CLCNKB: variants seen among roughly 807,000 people sequenced by gnomAD.
CLCNKB encodes the protein chloride voltage-gated channel Kb.
A neutral mutation model predicts 83.8 loss-of-function variants in CLCNKB; 74 were observed. That is an observed-to-expected ratio of 0.88 (90% confidence interval 0.73 to 1.07). CLCNKB has a LOEUF of 1.07. Among genes scored for constraint, CLCNKB ranks in the 50% least tolerant of loss-of-function variants. The probability of loss-of-function intolerance (pLI) is 0.00; values close to 1 mark genes in which losing one functional copy is unlikely to be tolerated. For synonymous variants in CLCNKB, 358 were observed against 356.6 expected (o/e 1.00, Z -0.04); for missense variants, 798 against 893.6 (o/e 0.89, Z 1.36).
chr1:16,051,604 G>T, intron 13 of CLCNKB, 57 bp downstream of exon 13: 7 of 1,608,140 alleles, frequency 4.4e-6, no homozygotes, highest in Non-Finnish European at 6.0e-6. Context: ...CAGGACCATG[G>T]CTCCTGGTTC....
rs55874146 is a variant in CLCNKB, at chr1:16,052,503, T to C, written c.1622+92T>C. On this transcript the variant is annotated intron_variant, in intron 15 of 19. Coordinates refer to ENST00000375679, the MANE Select transcript of CLCNKB (RefSeq NM_000085.5). The stretch of plus-strand genomic sequence containing the variant: ...GCACCTCGAAAAAGAAACGCCACCG[T>C]AGCTGACCTCGGACATGGGGGCTGA... 0.11 allele frequency: 170,639 copies of C among 1,513,122 alleles called. 10,989 individuals carry two copies. Among genetic ancestry groups the C allele is most frequent in the African/African-American group, 0.22 (16,331 of 72,882 alleles). The allele number at this position is 1,513,122 out of a possible 1,614,324, so 93.7% of individuals were successfully genotyped here.
At chr1:16,054,306 C>T (rs1430113120) in intron 16 of CLCNKB, among the ~76,000 whole-genome samples, 1 of 152,190 alleles carries the variant, frequency 6.6e-6, no homozygotes, top group Non-Finnish European at 1.5e-5. Flanking sequence ...CTCAAGGCTG[C>T]TGTCAGCCCA....
chr1:16,046,534 G>A lies in CLCNKB; in HGVS notation c.230-1G>A, dbSNP rs554794449. 1 of 1,613,846 alleles carries A rather than the reference G, an allele frequency of 6.2e-7. No homozygotes were observed. The highest frequency in any genetic ancestry group is 1.3e-5 in the African/African-American group (1 of 75,030). The stretch of plus-strand genomic sequence containing the variant: ...CCTCCCTGATACCCGGCTGTCCCCA[G>A]CGCACCAGTGGCTGTACAGGGAGAT... On this transcript the variant is annotated splice_acceptor_variant, in intron 3 of 19. Coordinates refer to ENST00000375679, the MANE Select transcript of CLCNKB (RefSeq NM_000085.5). LOFTEE classifies it high-confidence loss of function.
intron 7 of CLCNKB, chr1:16,048,865 T>C (rs2023187961): frequency 2.1e-6 from 3 of 1,441,146 alleles, no homozygotes. Flanking sequence ...CTTCCTCCTC[T>C]ACAAAATGGA....
chr1:16,053,523 C>G, intron 15 of CLCNKB, 116 bp from the exon 16 acceptor site: 1 of 1,474,310 alleles, frequency 6.8e-7, no homozygotes, highest in Non-Finnish European at 9.4e-7. Context: ...TCCGGCCCTG[C>G]CCACACTCCA....
chr1:16,047,089 C>A (rs74403616), intron 4 of CLCNKB, among the ~76,000 whole-genome samples: 1 of 152,152 alleles, frequency 6.6e-6, no homozygotes, highest in Non-Finnish European at 1.5e-5. Flanking sequence ...GCGGGAGGAA[C>A]GTGAACAACT....
intron 16 of CLCNKB, among the ~76,000 whole-genome samples, chr1:16,054,492 CTG>C (rs1321158255): frequency 6.6e-6 from 1 of 152,178 alleles, no homozygotes; most frequent in Non-Finnish European, 1.5e-5. Flanking sequence ...AGCTAAAGAA[CTG>C]TGAGTATACC....
chr1:16,044,507 G>A lies in CLCNKB; in HGVS notation c.15G>A (p.Val5=). Residue 5 remains valine (V), a synonymous_variant, in exon 2 of 20, where the codon GTG becomes GTA. Coordinates refer to ENST00000375679, the MANE Select transcript of CLCNKB (RefSeq NM_000085.5). ...CCAGGGGCCTGATGGAGGAGTTTGT[G>A]GGGCTGCGTGAAGGCTCCTCAGGGA... MEEF[V]GLREGSSGNP... is the part of the protein sequence containing the mutation. 6.2e-7 allele frequency: 1 copy of A among 1,604,072 alleles called. No individual in the cohort carries two copies. Among genetic ancestry groups the A allele is most frequent in the Non-Finnish European group, 8.5e-7 (1 of 1,176,192 alleles).
rs2023364272 is a variant in CLCNKB, at chr1:16,053,736, A to G, written c.1720A>G (p.Thr574Ala). Residue 574 changes from threonine (T) to alanine (A), a missense_variant, in exon 16 of 20, where the codon ACA becomes GCA. Coordinates refer to ENST00000375679, the MANE Select transcript of CLCNKB (RefSeq NM_000085.5). ...GGAGGTGGTCAAGGTTGTGACCTCCACAGACGTGGCCAAGTATCCCCTGGT... is the reference window on the plus strand; with the variant it reads ...GGAGGTGGTCAAGGTTGTGACCTCCGCAGACGTGGCCAAGTATCCCCTGGT... ...LEEVVKVVTS[T>A]DVAKYPLVES... 1 of 1,613,766 alleles carries G rather than the reference A, an allele frequency of 6.2e-7. No individual in the cohort carries two copies. Among genetic ancestry groups the G allele is most frequent in the Admixed American group, 1.7e-5 (1 of 59,990 alleles).
chr1:16,052,501 C>T (rs143810593), intron 15 of CLCNKB, 90 bp downstream of exon 15: 31 of 1,532,338 alleles, frequency 2.0e-5, no homozygotes, highest in Non-Finnish European at 2.3e-5. Flanking sequence ...GAAACGCCAC[C>T]GTAGCTGACC....
chr1:16,044,637 G>T, intron 2 of CLCNKB, 45 bp downstream of exon 2: 1 of 1,492,026 alleles, frequency 6.7e-7, no homozygotes, highest in African/African-American at 1.4e-5. Context: ...GACCACTCAG[G>T]ACATCATTCC....
chr1:16,052,850 C>T (rs2023337265), intron 15 of CLCNKB, among the ~76,000 whole-genome samples: 1 of 152,066 alleles, frequency 6.6e-6, no homozygotes, highest in East Asian at 1.9e-4. Flanking sequence ...CAGATAGGAC[C>T]AGAGCAGCTT....
intron 15 of CLCNKB, 37 bp downstream of exon 15, chr1:16,052,448 C>G (rs959320318): frequency 1.9e-6 from 3 of 1,601,052 alleles, no homozygotes; most frequent in Non-Finnish European, 2.6e-6. Context: ...TGAAGGGGGT[C>G]ACAGTGTTTG....
Position 16,051,063 on chromosome 1 carries a change from C to A in CLCNKB, c.1227+15C>A, listed in dbSNP as rs1456784625. The A allele has an allele frequency of 6.2e-7, 1 of 1,613,606 alleles. No individual in the cohort carries two copies. Among genetic ancestry groups the A allele is most frequent in the Non-Finnish European group, 8.5e-7 (1 of 1,179,964 alleles). On this transcript the variant is annotated intron_variant, in intron 12 of 19. Coordinates refer to ENST00000375679, the MANE Select transcript of CLCNKB (RefSeq NM_000085.5). Reference sequence around the variant, plus strand: ...TGGTTATGAAGGTGGGCCCCCTGGTCCCCAGGTGTGCACAGAGCTGGGACC... The same window carrying A: ...TGGTTATGAAGGTGGGCCCCCTGGTACCCAGGTGTGCACAGAGCTGGGACC...
rs375288190 is a variant in CLCNKB at position 16,056,494 on chromosome 1, G to C, written c.2002G>C (p.Val668Leu). The C allele has an allele frequency of 7.8e-5, 126 of 1,612,368 alleles. No individual in the cohort carries two copies. Among genetic ancestry groups the C allele is most frequent in the East Asian group, 1.6e-4 (7 of 44,810 alleles). ...GTCGCGGGGCAGAGCTGTGGGCTGC[G>C]TGTCCTGGGTGGAGGTACCAGGGTC... ...VTSRGRAVGC[V>L]SWVEMKKAIS... The change falls in exon 19 of 20, where the codon GTG becomes CTG. Residue 668 changes from valine to leucine, a missense_variant. Val to Leu is a conservative substitution (Grantham distance 32, BLOSUM62 1). Coordinates refer to ENST00000375679, the MANE Select transcript of CLCNKB (RefSeq NM_000085.5).
intron 8 of CLCNKB, 102 bp downstream of exon 8, chr1:16,049,347 C>G (rs2023208002): frequency 1.3e-6 from 2 of 1,556,856 alleles, no homozygotes; most frequent in Admixed American, 2.0e-5. Context: ...CTTTCCCTCT[C>G]TCTCCCTCTT....
At chr1:16,053,190 G>T (rs1351572934) in intron 15 of CLCNKB, among the ~76,000 whole-genome samples, 1 of 152,110 alleles carries the variant, frequency 6.6e-6, no homozygotes, top group African/African-American at 2.4e-5. Context: ...ACCATGCCCA[G>T]ATTATTTTTG....
At chr1:16,054,566 T>C (rs1428976113) in intron 16 of CLCNKB, among the ~76,000 whole-genome samples, 3 of 152,108 alleles carry the variant, frequency 2.0e-5, no homozygotes, top group Admixed American at 6.5e-5. Context: ...GAGTATAGGA[T>C]TGCCAGACGT....
chr1:16,053,512 C>T, intron 15 of CLCNKB, 127 bp from the exon 16 acceptor site: 1 of 1,389,498 alleles, frequency 7.2e-7, no homozygotes, highest in Non-Finnish European at 1.0e-6. Flanking sequence ...CCAGGAACCT[C>T]TCCGGCCCTG....
Sources: gnomAD v4.1 joint callset for allele counts (sites outside exome capture counted in the v4.1 genomes callset) on GRCh38, gnomAD v4.1.1 for gene constraint, MANE v1.5 for transcripts, NCBI Gene and HGNC (gene_info 2026-07-23, HGNC 2026-07-21) for gene names.